Variants in NLRX1 observed in about 807,000 individuals in gnomAD.
The protein encoded by NLRX1 is NOD-like receptor X1.
In NLRX1, 67 loss-of-function variants were observed where a neutral mutation model predicts 74.2. That is an observed-to-expected ratio of 0.90 (90% CI 0.74 to 1.11). The LOEUF (loss-of-function observed/expected upper bound fraction) is 1.11. NLRX1 is among the 50% of genes least tolerant of loss of function. NLRX1 has a pLI of 0.00. For synonymous variants in NLRX1, 506 were observed against 559.1 expected (o/e 0.91, Z 1.34); for missense variants, 1,191 against 1,305.4 (o/e 0.91, Z 1.35).
intron 6 of NLRX1, 50 bp from the exon 7 acceptor site, chr11:119,179,643 T>TCAACAGGCACATGGAAGGCC: frequency 6.7e-7 from 1 of 1,489,628 alleles, no homozygotes; most frequent in Non-Finnish European, 9.1e-7. Context: ...CCTTGAAGGC[T>TCAACAGGCACATGGAAGGCC]GAACAGGCAC....
Position 119,181,201 on chromosome 11 carries a change from C to T in NLRX1, c.2298C>T (p.Ala766=). Residue 766 remains alanine, a synonymous_variant, in exon 8 of 10, where the codon GCC becomes GCT. Transcript: ENST00000409109. ...GLQLNSLGPE[A]CKDLRDLLLH... is the part of the protein sequence containing the mutation. ...AACTCAACAGCCTGGGCCCTGAGGC[C>T]TGCAAGGACCTCCGAGACCTGTTGC... 1 of 1,613,890 alleles carries T rather than the reference C, an allele frequency of 6.2e-7. No individual in the cohort carries two copies. The highest frequency in any genetic ancestry group is 8.5e-7 in the Non-Finnish European group (1 of 1,179,962).
At position 119,179,916 on chromosome 11, in the gene NLRX1, C is replaced by G. The variant is rs1948790391; in HGVS notation, c.1895C>G (p.Ser632Cys). 4.3e-6 allele frequency: 7 copies of G among 1,611,470 alleles called. No individual in the cohort carries two copies. Among genetic ancestry groups the G allele is most frequent in the African/African-American group, 2.7e-5 (2 of 75,000 alleles). Residue 632 changes from serine (S) to cysteine (C), a missense_variant, in exon 7 of 10, where the codon TCT (serine) becomes TGT (cysteine). By Grantham distance (112) the Ser-to-Cys change is moderately radical. Transcript: ENST00000409109. ...CCCATGTTCATGGGGGGGCTTCTCT[C>G]TGCCCACAACCGAGCTGTGCTAGCT... is the stretch of plus-strand genomic sequence containing the variant. ...LFPMFMGGLL[S>C]AHNRAVLAQL...
chr11:119,169,865 A>G lies in NLRX1; in HGVS notation c.-49+563A>G, dbSNP rs1052413057. Among the ~76,000 whole-genome samples, 118 of 152,186 alleles carry G rather than the reference A, an allele frequency of 7.8e-4. 1 individual carries two copies. The highest frequency in any genetic ancestry group is 2.7e-3 in the African/African-American group (113 of 41,530). ...CCAAAAATTAGCCAGGTGTGGTGGC[A>G]CACCACTTTAGTCCTAGCTACTCAG... On this transcript the variant is annotated intron_variant, in intron 1 of 9. Coordinates refer to ENST00000409109, the MANE Select transcript of NLRX1 (RefSeq NM_001282144.2).
intron 6 of NLRX1, among the ~76,000 whole-genome samples, chr11:119,177,240 C>A (rs930457636): frequency 6.6e-6 from 1 of 151,778 alleles, no homozygotes; most frequent in Non-Finnish European, 1.5e-5. Flanking sequence ...TGCCACCATG[C>A]CCGGCTTATT....
rs1948921878 is a variant in NLRX1 at position 119,183,950 on chromosome 11, C to G, written c.*511C>G. 1 of 776,450 alleles carries G rather than the reference C, an allele frequency of 1.3e-6. No homozygotes were observed. Among genetic ancestry groups the G allele is most frequent in the Non-Finnish European group, 2.4e-6 (1 of 414,894 alleles). 48.1% of individuals were successfully genotyped at this position (776,450 alleles called of 1,614,324 possible). On this transcript the variant is annotated 3_prime_UTR_variant, in exon 10 of 10. Coordinates refer to ENST00000409109, the MANE Select transcript of NLRX1 (RefSeq NM_001282144.2). This position sits in a 1 kb window ranked among gnomAD's most constrained non-coding sequence, Gnocchi z 5.7. ...CCCCTTTGCCACAATGGTATGATGG[C>G]TTGGTAGCCCCTCGAGGCAGATGCA...
chr11:119,172,913 C>T lies in NLRX1; in HGVS notation c.153C>T (p.Arg51=). The T allele has an allele frequency of 1.2e-6, 2 of 1,613,898 alleles. No homozygotes were observed. Among genetic ancestry groups the T allele is most frequent in the Non-Finnish European group, 1.7e-6 (2 of 1,179,856 alleles). The change falls in exon 4 of 10, where the codon CGC becomes CGT. Residue 51 remains arginine (R), a synonymous_variant. Transcript: ENST00000409109. ...TCCTTGTTCCCAGGGCCTTTATACG[C>T]CACCACGGAAGCTCGGTAGATAGCG... ...RPFGPPRAFI[R]HHGSSVDSAP...
chr11:119,173,990 C>T lies in NLRX1; in HGVS notation c.741C>T (p.Leu247=). Residue 247 remains leucine, a synonymous_variant, in exon 5 of 10, where the codon CTC becomes CTT. Coordinates refer to ENST00000409109, the MANE Select transcript of NLRX1 (RefSeq NM_001282144.2). The surrounding 1 kb of genome is among the most constrained non-coding windows in gnomAD (Gnocchi z 4.0). ...LLFVLHGLEH[L]NLDFRLAGTG... The stretch of plus-strand genomic sequence containing the variant: ...TTGTGCTCCATGGCTTAGAGCATCT[C>T]AACCTCGACTTCCGGCTGGCAGGCA... The T allele has an allele frequency of 6.2e-7, 1 of 1,614,200 alleles. No individual in the cohort carries two copies. The highest frequency in any genetic ancestry group is 8.5e-7 in the Non-Finnish European group (1 of 1,180,040).
Position 119,180,289 on chromosome 11 carries a change from G to A in NLRX1, c.2267+1G>A, listed in dbSNP as rs746495864. 58 of 1,571,494 alleles carry A rather than the reference G, an allele frequency of 3.7e-5. No homozygotes were observed. The highest frequency in any genetic ancestry group is 4.8e-5 in the Non-Finnish European group (55 of 1,152,744). ...TCTTCCTGCGTGCCCGGAAGCTGGG[G>A]TGAGGACCTATCCTCATGCACAGGC... On this transcript the variant is annotated splice_donor_variant, in intron 7 of 9. Transcript: ENST00000409109. LOFTEE classifies it high-confidence loss of function.
Position 119,174,837 on chromosome 11 carries a change from G to A in NLRX1, c.1234G>A (p.Asp412Asn). The A allele has an allele frequency of 1.9e-6, 3 of 1,614,016 alleles. No homozygotes were observed. The highest frequency in any genetic ancestry group is 2.5e-6 in the Non-Finnish European group (3 of 1,180,042). ...CCTCAACTTCAGCGGGGAAACCCTG[G>A]ACAGCACTGACCCCTCCAATTTGTC... ...LRLNFSGETL[D>N]STDPSNLSLM... Residue 412 changes from aspartate to asparagine, a missense_variant, in exon 6 of 10, where the codon GAC becomes AAC. Asp to Asn is a conservative substitution (Grantham distance 23, BLOSUM62 1). Coordinates refer to ENST00000409109, the MANE Select transcript of NLRX1 (RefSeq NM_001282144.2).
rs953195851 is a variant in NLRX1 at position 119,172,367 on chromosome 11, C to A, written c.82C>A (p.Pro28Thr). ...CCTTCTCTCTGTAGATGATCGTATC[C>A]CCTTCCTGATCCACTGGAGTTGGCC... ...RALQRPDDRI[P>T]FLIHWSWPLQ... The change falls in exon 3 of 10, where the codon CCC becomes ACC. Residue 28 changes from proline (P) to threonine (T), a missense_variant. Physicochemically the swap from Pro to Thr is conservative, Grantham distance 38. Coordinates refer to ENST00000409109, the MANE Select transcript of NLRX1 (RefSeq NM_001282144.2). 8 of 1,613,438 alleles carry A rather than the reference C, an allele frequency of 5.0e-6. No individual in the cohort carries two copies. The Admixed American group carries it at 5.0e-5, about 10-fold the overall frequency.
chr11:119,181,891 G>A (rs556182243), intron 8 of NLRX1, among the ~76,000 whole-genome samples: 7 of 152,218 alleles, frequency 4.6e-5, no homozygotes, highest in South Asian at 2.1e-4. Context: ...TCTGCCAGGC[G>A]CCACACCCCC....
At chr11:119,169,950 C>T (rs143650178) in intron 1 of NLRX1, among the ~76,000 whole-genome samples, 2 of 124,510 alleles carry the variant, frequency 1.6e-5, no homozygotes, top group Non-Finnish European at 1.6e-5. Flanking sequence ...GAGCTGAGAT[C>T]GTACTACTGC....
intron 6 of NLRX1, chr11:119,177,880 C>T (rs1948738536): frequency 6.6e-6 from 1 of 152,202 alleles, no homozygotes. Flanking sequence ...GAGGGTTGCC[C>T]TGGCAGAGCA....
At chr11:119,179,589 G>T in intron 6 of NLRX1, 104 bp from the exon 7 acceptor site, 1 of 958,188 alleles carries the variant, frequency 1.0e-6, no homozygotes, top group Non-Finnish European at 1.6e-6. Context: ...TTCAAGGGGA[G>T]ATCACAGGGC....
intron 3 of NLRX1, among the ~76,000 whole-genome samples, chr11:119,172,646 A>G (rs1948580689): frequency 6.6e-6 from 1 of 152,122 alleles, no homozygotes. Flanking sequence ...CCCTGTGGGA[A>G]GTGGGTGGAG....
Position 119,174,060 on chromosome 11 carries a change from A to C in NLRX1, c.811A>C (p.Ile271Leu), listed in dbSNP as rs1209664651. The change falls in exon 5 of 10, where the codon ATC becomes CTC. Residue 271 changes from isoleucine (I) to leucine (L), a missense_variant. By Grantham distance (5) the Ile-to-Leu change is conservative. Transcript: ENST00000409109. ...GGAGGAACCGCAGGAACCAGCTGCT[A>C]TCATCGTCAACCTGCTGCGCAAATA... ...DPEEPQEPAAIIVNLLRKYML... is the reference protein window; with the variant it reads ...DPEEPQEPAALIVNLLRKYML... The C allele has an allele frequency of 2.5e-6, 4 of 1,614,064 alleles. No individual in the cohort carries two copies. The Admixed American group carries it at 6.7e-5, about 27-fold the overall frequency.
intron 2 of NLRX1, 70 bp from the exon 3 acceptor site, chr11:119,172,286 G>C: frequency 8.2e-7 from 1 of 1,222,006 alleles, no homozygotes; most frequent in South Asian, 1.2e-5. Flanking sequence ...ATACTGGGGG[G>C]TTTGATGTAG....
chr11:119,175,639 T>C (rs1948685437), intron 6 of NLRX1, among the ~76,000 whole-genome samples: 2 of 152,312 alleles, frequency 1.3e-5, no homozygotes, highest in African/African-American at 4.8e-5. Flanking sequence ...AGAAACTCGA[T>C]TGTGTCTGCT....
upstream of NLRX1, chr11:119,168,480 A>C (rs1287135769): frequency 6.6e-6 from 1 of 152,346 alleles, no homozygotes; most frequent in Non-Finnish European, 1.5e-5. Context: ...GACAGAGGGA[A>C]GAATCCCCTG....
Sources: allele counts gnomAD v4.1 joint callset (sites outside exome capture counted in the v4.1 genomes callset), GRCh38; gene constraint gnomAD v4.1.1; non-coding constraint Gnocchi (gnomAD v3.1); transcripts MANE v1.5; gene names NCBI Gene and HGNC (gene_info 2026-07-23, HGNC 2026-07-21).